Variants in DPP10 observed in about 807,000 individuals in gnomAD.
DPP10 encodes the protein dipeptidyl peptidase like 10, also known as inactive dipeptidyl peptidase 10.
Under a neutral mutation model 120.9 loss-of-function variants are expected in DPP10, and 33 were observed. The ratio of observed to expected loss-of-function variants is 0.27; its 90% confidence interval spans 0.21 to 0.37. The LOEUF (loss-of-function observed/expected upper bound fraction) is 0.37, where lower values mean the gene tolerates loss of function less well. DPP10 is among the 10% of genes least tolerant of loss of function. The pLI is 1.00. For synonymous variants in DPP10, 337 were observed against 326.1 expected (o/e 1.03, Z -0.36); for missense variants, 816 against 942.8 (o/e 0.87, Z 1.76).
intron 1 of DPP10, chr2:115,233,957 A>C: frequency 1.9e-6 from 1 of 518,484 alleles, no homozygotes; most frequent in South Asian, 1.4e-5. Context: ...TCTAGAACTA[A>C]GAGATAAATC....
chr2:115,635,606 C>T (rs987277411), intron 5 of DPP10, among the ~76,000 whole-genome samples: 8 of 152,150 alleles, frequency 5.3e-5, no homozygotes, highest in Non-Finnish European at 1.2e-4. Flanking sequence ...AACTGAAACT[C>T]ACCAGTTAAT....
At chr2:115,118,747 TTGTGTGTGTGTGTGTGTGTG>T (rs59183186) in intron 1 of DPP10, among the ~76,000 whole-genome samples, 16 of 140,518 alleles carry the variant, frequency 1.1e-4, no homozygotes, top group African/African-American at 3.5e-4. Flanking sequence ...ACACAGCTAA[TTGTGTGTGTGTGTGTGTGTG>T]TGTGTGTGTG....
Position 114,965,484 on chromosome 2 carries a change from A to G in DPP10, c.61-343755A>G, listed in dbSNP as rs1223593441. On this transcript the variant is annotated intron_variant, in intron 1 of 25. Coordinates refer to ENST00000410059, the MANE Select transcript of DPP10 (RefSeq NM_020868.6). Reference sequence around the variant, plus strand: ...AGAGGCATATTAAACATCCAAGTGGAGATATCAAGGAGACTTTTGATATAA... The same window carrying G: ...AGAGGCATATTAAACATCCAAGTGGGGATATCAAGGAGACTTTTGATATAA... Among the ~76,000 whole-genome samples, 3 of 152,140 alleles carry G rather than the reference A, an allele frequency of 2.0e-5. No individual in the cohort carries two copies. The South Asian group carries it at 6.2e-4, about 32-fold the overall frequency.
At chr2:114,904,142 A>T (rs1280341657) in intron 1 of DPP10, among the ~76,000 whole-genome samples, 1 of 152,196 alleles carries the variant, frequency 6.6e-6, no homozygotes, top group African/African-American at 2.4e-5. Flanking sequence ...GGACATTAAG[A>T]GTGGTTTCAG....
chr2:115,335,243 A>G (rs977069568), intron 2 of DPP10, among the ~76,000 whole-genome samples: 2 of 152,044 alleles, frequency 1.3e-5, no homozygotes, highest in Non-Finnish European at 2.9e-5. Flanking sequence ...TTCTCATGAC[A>G]TGTGGGAATT....
intron 1 of DPP10, among the ~76,000 whole-genome samples, chr2:115,068,403 C>T (rs72949780): frequency 0.16 from 24,659 of 151,854 alleles, 2,262 homozygotes; most frequent in African/African-American, 0.27. Context: ...ATCCTTTGCC[C>T]ATTTTTTAAT....
chr2:115,515,332 C>T (rs763362049), intron 4 of DPP10, among the ~76,000 whole-genome samples: 63 of 151,964 alleles, frequency 4.1e-4, no homozygotes, highest in Non-Finnish European at 7.1e-4. Context: ...GTGTATGATA[C>T]TCTCTGTTAG....
intron 5 of DPP10, among the ~76,000 whole-genome samples, chr2:115,676,553 A>G (rs533982725): frequency 8.5e-5 from 13 of 152,302 alleles, no homozygotes; most frequent in Admixed American, 2.0e-4. Context: ...AATAAATACA[A>G]TAAAAATAAG....
chr2:115,463,375 C>T (rs2105092172), intron 3 of DPP10, among the ~76,000 whole-genome samples: 1 of 152,070 alleles, frequency 6.6e-6, no homozygotes, highest in Non-Finnish European at 1.5e-5. Context: ...ATGATGCTTT[C>T]AAAATTTAAA....
At chr2:114,972,865 C>T (rs759161844) in intron 1 of DPP10, among the ~76,000 whole-genome samples, 24 of 152,138 alleles carry the variant, frequency 1.6e-4, no homozygotes, top group African/African-American at 3.9e-4. Flanking sequence ...GAAGAATAGA[C>T]GCATTGCAGT....
At chr2:114,691,133 G>T (rs1699717135) in intron 1 of DPP10, among the ~76,000 whole-genome samples, 2 of 152,060 alleles carry the variant, frequency 1.3e-5, no homozygotes, top group African/African-American at 4.8e-5. Context: ...GGGCATCCTT[G>T]CCTTGTACTG....
chr2:115,727,802 A>C lies in DPP10; in HGVS notation c.577-14A>C. ...GTGTTGGATTTTTTGTTTGTTTCAC[A>C]TTTCCTGATCCAGATTTATATTTTT... On this transcript the variant is annotated splice_polypyrimidine_tract_variant and intron_variant, in intron 7 of 25. Coordinates refer to ENST00000410059, the MANE Select transcript of DPP10 (RefSeq NM_020868.6). 1.3e-6 allele frequency: 2 copies of C among 1,573,838 alleles called. No individual in the cohort carries two copies. Among genetic ancestry groups the C allele is most frequent in the Non-Finnish European group, 1.7e-6 (2 of 1,164,828 alleles).
chr2:115,022,188 A>G (rs1297754016), intron 1 of DPP10, among the ~76,000 whole-genome samples: 6 of 152,148 alleles, frequency 3.9e-5, no homozygotes, highest in African/African-American at 1.4e-4. Flanking sequence ...AGAAAGAAAT[A>G]AAGGGCATCC....
intron 1 of DPP10, among the ~76,000 whole-genome samples, chr2:114,587,290 A>C (rs1465955449): frequency 5.5e-5 from 7 of 126,908 alleles, no homozygotes; most frequent in African/African-American, 1.8e-4. Flanking sequence ...AATAGGAGTG[A>C]AACTCCATCT....
At chr2:114,444,987 G>A (rs1677859518) in intron 1 of DPP10, among the ~76,000 whole-genome samples, 1 of 152,070 alleles carries the variant, frequency 6.6e-6, no homozygotes, top group Non-Finnish European at 1.5e-5. Flanking sequence ...AACATTTATG[G>A]CTTTTTGAAT....
intron 3 of DPP10, among the ~76,000 whole-genome samples, chr2:115,388,430 T>C (rs1049403743): frequency 2.6e-5 from 4 of 152,152 alleles, no homozygotes; most frequent in Non-Finnish European, 5.9e-5. Context: ...GGTAGGAGCC[T>C]TGGGCTGGTT....
intron 5 of DPP10, among the ~76,000 whole-genome samples, chr2:115,633,149 C>G (rs1328818835): frequency 2.6e-5 from 4 of 152,176 alleles, no homozygotes; most frequent in Admixed American, 6.5e-5. Context: ...TATTATGGCA[C>G]TATTCACAAT....
intron 1 of DPP10, among the ~76,000 whole-genome samples, chr2:114,669,331 AT>A (rs1698160980): frequency 1.3e-5 from 2 of 152,174 alleles, no homozygotes; most frequent in South Asian, 4.1e-4. Context: ...AAAGCTAATA[AT>A]ATATGTAGGT....
At chr2:115,741,936 G>T (rs949892157) in intron 9 of DPP10, among the ~76,000 whole-genome samples, 4 of 152,106 alleles carry the variant, frequency 2.6e-5, no homozygotes, top group African/African-American at 7.2e-5. Flanking sequence ...GAAGATACTG[G>T]ATATGAACCT....
Sources: gnomAD v4.1 joint callset for allele counts (sites outside exome capture counted in the v4.1 genomes callset) on GRCh38, gnomAD v4.1.1 for gene constraint, MANE v1.5 for transcripts, NCBI Gene and HGNC (gene_info 2026-07-23, HGNC 2026-07-21) for gene names.